MAP3K8: variants seen among roughly 807,000 people sequenced by gnomAD.
MAP3K8 encodes mitogen-activated protein kinase kinase kinase 8.
A neutral mutation model predicts 45.8 loss-of-function variants in MAP3K8; 22 were observed. That is an observed-to-expected ratio of 0.48 (90% CI 0.34 to 0.69). MAP3K8 has a LOEUF of 0.69. Among genes scored for constraint, MAP3K8 ranks in the 30% least tolerant of loss-of-function variants. The pLI, the probability that MAP3K8 is intolerant of heterozygous loss-of-function variation, is 0.01. For missense variants in MAP3K8, 419 were observed against 585.0 expected (o/e 0.72, Z 2.93); for synonymous variants, 223 against 214.3 (o/e 1.04, Z -0.36).
At chr10:30,454,695 C>T (rs997648209) in intron 6 of MAP3K8, among the ~76,000 whole-genome samples, 2 of 151,416 alleles carry the variant, frequency 1.3e-5, no homozygotes, top group African/African-American at 2.4e-5. Context: ...AATGCTCGAG[C>T]GAGGATTCTT....
intron 6 of MAP3K8, among the ~76,000 whole-genome samples, chr10:30,457,631 G>GGTGGT (rs1229172442): frequency 6.6e-6 from 1 of 152,104 alleles, no homozygotes; most frequent in Non-Finnish European, 1.5e-5. Context: ...ACCAGAAAAA[G>GGTGGT]GTGGTGTTTT....
chr10:30,450,122 G>T, intron 4 of MAP3K8, 136 bp from the exon 5 acceptor site: 1 of 664,558 alleles, frequency 1.5e-6, no homozygotes, highest in Non-Finnish European at 2.5e-6. Context: ...TTGTAACTGG[G>T]CAGTCCATTT....
intron 6 of MAP3K8, among the ~76,000 whole-genome samples, chr10:30,456,090 C>T (rs1454633916): frequency 6.6e-6 from 1 of 152,190 alleles, no homozygotes; most frequent in African/African-American, 2.4e-5. Flanking sequence ...GGGCACTCCG[C>T]CCAATCCTTG....
At chr10:30,454,627 C>G (rs909232635) in intron 6 of MAP3K8, among the ~76,000 whole-genome samples, 5 of 151,656 alleles carry the variant, frequency 3.3e-5, no homozygotes, top group Non-Finnish European at 1.5e-5. Flanking sequence ...AGCCAGCACT[C>G]TCCCGGGCAG....
Position 30,451,620 on chromosome 10 carries a change from T to C in MAP3K8, c.767-18T>C. 1 of 1,469,116 alleles carries C rather than the reference T, an allele frequency of 6.8e-7. No homozygotes were observed. The allele number at this position is 1,469,116 out of a possible 1,614,324, so 91.0% of individuals were successfully genotyped here. A position where few individuals can be genotyped will look rare whatever the true frequency, so the allele number is the denominator to read the frequency against. On this transcript the variant is annotated intron_variant, in intron 5 of 8. Transcript: ENST00000263056. ...TATATAAAAAATTTTATCTTAAAAA[T>C]ATTTCCTCTCATTTTAGCTAGCAAC... is the stretch of plus-strand genomic sequence containing the variant.
At chr10:30,452,631 A>G (rs1836589216) in intron 6 of MAP3K8, among the ~76,000 whole-genome samples, 1 of 151,926 alleles carries the variant, frequency 6.6e-6, no homozygotes, top group Non-Finnish European at 1.5e-5. Flanking sequence ...TCAAAAAAAA[A>G]AAAAGCCCCC....
chr10:30,458,691 C>A (rs1356447474), intron 7 of MAP3K8, among the ~76,000 whole-genome samples: 1 of 152,188 alleles, frequency 6.6e-6, no homozygotes, highest in African/African-American at 2.4e-5. Flanking sequence ...ACTTTTGGGA[C>A]ACTGATTTGA....
In MAP3K8 at chr10:30,450,512, T is replaced by C; in HGVS notation, c.759T>C (p.Asp253=). The C allele has an allele frequency of 2.5e-6, 4 of 1,614,062 alleles. No homozygotes were observed. The highest frequency in any genetic ancestry group is 3.4e-6 in the Non-Finnish European group (4 of 1,179,954). ...FLHSKKVIHH[D]IKPSNIVFMS... is the part of the protein sequence containing the mutation. ...ACTCAAAGAAAGTGATCCATCATGA[T>C]ATTAAACGTAAGTATCTTTGGACAT... The change falls in exon 5 of 9, where the codon GAT becomes GAC. Residue 253 remains aspartate, a synonymous_variant. Transcript: ENST00000263056.
rs115941231 is a variant in MAP3K8 at position 30,456,661 on chromosome 10, G to A, written c.874-1423G>A. The stretch of plus-strand genomic sequence containing the variant: ...CATGAATACAAATCACTGGTCACCA[G>A]TGTTTGCTCTGTTCCTTTTTAAAAA... On this transcript the variant is annotated intron_variant, in intron 6 of 8. Transcript: ENST00000263056. Among the ~76,000 whole-genome samples the A allele has an allele frequency of 7.4e-3, 1,133 of 152,324 alleles. 6 individuals carry two copies. The highest frequency in any genetic ancestry group is 0.025 in the African/African-American group (1,038 of 41,576).
intron 3 of MAP3K8, among the ~76,000 whole-genome samples, chr10:30,445,721 T>G: frequency 6.6e-6 from 1 of 152,222 alleles, no homozygotes; most frequent in East Asian, 1.9e-4. Context: ...CATCTGCACT[T>G]ATTCATGTTA....
chr10:30,459,620 T>C lies in MAP3K8; in HGVS notation c.1273+119T>C, dbSNP rs1252898985. On this transcript the variant is annotated intron_variant, in intron 8 of 8. Transcript: ENST00000263056. ...AAAGGAAATGACTTCTTGAGTACCA[T>C]ACCTTGCTTGAGAAATTTCAGCAAG... The C allele has an allele frequency of 1.9e-5, 23 of 1,188,090 alleles. 1 individual carries two copies. The highest frequency in any genetic ancestry group is 2.5e-5 in the Non-Finnish European group (21 of 851,324). 73.6% of individuals were successfully genotyped at this position (1,188,090 alleles called of 1,614,324 possible). A position where few individuals can be genotyped will look rare whatever the true frequency, so the allele number is the denominator to read the frequency against.
intron 6 of MAP3K8, among the ~76,000 whole-genome samples, chr10:30,454,014 C>T (rs1836648376): frequency 6.6e-6 from 1 of 150,810 alleles, no homozygotes; most frequent in East Asian, 1.9e-4. Context: ...AAAGCATGCA[C>T]AACAGTTTAG....
At position 30,450,323 on chromosome 10, in the gene MAP3K8, C is replaced by T. The variant is rs763380610; in HGVS notation, c.570C>T (p.Ile190=). The part of the protein sequence containing the change: ...EIQACFRHEN[I]AELYGAVLWG... ...AGGCTTGCTTCCGGCACGAGAACAT[C>T]GCAGAGCTGTATGGCGCAGTCCTGT... Residue 190 remains isoleucine (I), a synonymous_variant, in exon 5 of 9, where the codon ATC becomes ATT. Transcript: ENST00000263056. The T allele has an allele frequency of 1.9e-5, 31 of 1,613,932 alleles. No individual in the cohort carries two copies. The Middle Eastern group carries it at 4.9e-4, about 26-fold the overall frequency.
chr10:30,439,451 T>C, intron 3 of MAP3K8, 177 bp downstream of exon 3: 1 of 1,198,440 alleles, frequency 8.3e-7, no homozygotes, highest in Non-Finnish European at 1.1e-6. Flanking sequence ...AAGTCTTCAT[T>C]AAAATTTCTA....
intron 6 of MAP3K8, among the ~76,000 whole-genome samples, chr10:30,453,667 G>C (rs1439114622): frequency 1.3e-5 from 2 of 152,034 alleles, no homozygotes; most frequent in Non-Finnish European, 2.9e-5. Context: ...AAGCCTTAGT[G>C]GTACTCCAGC....
intron 4 of MAP3K8, among the ~76,000 whole-genome samples, chr10:30,448,708 A>G (rs1418856137): frequency 2.6e-5 from 4 of 152,122 alleles, no homozygotes; most frequent in Admixed American, 1.3e-4. Context: ...CTGGGATTAC[A>G]GGCATAAGCC....
chr10:30,460,666 C>T (rs754491141), intron 8 of MAP3K8, 40 bp from the exon 9 acceptor site: 12 of 1,546,062 alleles, frequency 7.8e-6, no homozygotes, highest in South Asian at 5.8e-5. Flanking sequence ...TCATTTGACA[C>T]GTTTTCTTGT....
At chr10:30,435,080 G>A (rs1390281288) in intron 1 of MAP3K8, among the ~76,000 whole-genome samples, 1 of 152,212 alleles carries the variant, frequency 6.6e-6, no homozygotes, top group African/African-American at 2.4e-5. Flanking sequence ...CTAGCTCTGG[G>A]CGGAGAAGGA....
rs8177009 is a variant in MAP3K8 at position 30,450,926 on chromosome 10, A to C, written c.766+407A>C. On this transcript the variant is annotated intron_variant, in intron 5 of 8. Transcript: ENST00000263056. ...GTGAAACCCCGTCTCTACTAAAAAT[A>C]CAAAAAAAAAAAAAAAATAGCTGGG... 5.3e-5 allele frequency among the ~76,000 whole-genome samples: 8 copies of C among 149,900 alleles called. No individual in the cohort carries two copies. The East Asian group carries it at 1.4e-3, about 26-fold the overall frequency.
Sources: allele counts gnomAD v4.1 joint callset (sites outside exome capture counted in the v4.1 genomes callset), GRCh38; gene constraint gnomAD v4.1.1; transcripts MANE v1.5; gene names NCBI Gene and HGNC (gene_info 2026-07-23, HGNC 2026-07-21).